Variants in MAP6 observed in about 807,000 individuals in gnomAD.
The protein encoded by MAP6 is microtubule-associated protein 6.
A neutral mutation model predicts 42.4 loss-of-function variants in MAP6; 26 were observed. The observed-to-expected ratio is 0.61, with a 90% CI of 0.45 to 0.85. MAP6 has a LOEUF of 0.85. Ranked by LOEUF, MAP6 falls within the 40% of genes least tolerant of loss-of-function variation. MAP6 has a pLI of 0.00. For missense variants in MAP6, 966 were observed against 1,099.0 expected, an observed-to-expected ratio of 0.88 and a Z score of 1.71; for synonymous variants, 418 against 443.8, an observed-to-expected ratio of 0.94 and a Z score of 0.73.
intron 1 of MAP6, among the ~76,000 whole-genome samples, chr11:75,664,347 T>C (rs1943909546): frequency 6.6e-6 from 1 of 152,256 alleles, no homozygotes; most frequent in Non-Finnish European, 1.5e-5. Context: ...CTCAAAACCA[T>C]AATGTCAAAG....
chr11:75,641,483 T>TAA (rs35928248), intron 1 of MAP6, among the ~76,000 whole-genome samples: 74 of 146,354 alleles, frequency 5.1e-4, no homozygotes, highest in Non-Finnish European at 6.8e-4. Flanking sequence ...TAAAGTATAA[T>TAA]AAAAAAAAAA....
chr11:75,588,077 C>A lies in MAP6; in HGVS notation c.1424G>T (p.Gly475Val). Residue 475 changes from glycine (G) to valine (V), a missense_variant, in exon 4 of 4, where the codon GGT (glycine) becomes GTT (valine). By Grantham distance (109) the Gly-to-Val change is moderately radical. Transcript: ENST00000304771. ...SVVPGLLKGQ[G>V]PMVQEPLKKQ... is the part of the protein sequence containing the mutation. ...CTTCAGAGGCTCTTGCACCATAGGA[C>A]CTTGACCTTTCAGAAGGCCTGGGAC... 1 of 1,614,074 alleles carries A rather than the reference C, an allele frequency of 6.2e-7. No individual in the cohort carries two copies.
At chr11:75,604,832 C>T in intron 3 of MAP6, 3 of 985,500 alleles carry the variant, frequency 3.0e-6, no homozygotes, top group Non-Finnish European at 3.6e-6. Context: ...CCTGGCACCG[C>T]TGCCCTCTCT....
At position 75,588,096 on chromosome 11, in the gene MAP6, C is replaced by G. The variant is rs202142410; in HGVS notation, c.1405G>C (p.Gly469Arg). The change falls in exon 4 of 4, where the codon GGC becomes CGC. Residue 469 changes from glycine (G) to arginine (R), a missense_variant. Around this residue, in one of 2 missense-constraint regions of MAP6, gnomAD observed 943 missense variants for 1,049.9 expected, o/e 0.90. Coordinates refer to ENST00000304771, the MANE Select transcript of MAP6 (RefSeq NM_033063.2). ...ATAGGACCTTGACCTTTCAGAAGGC[C>G]TGGGACCACAGAACCTTGATCCTTG... The part of the protein sequence containing the change: ...PDKDQGSVVP[G>R]LLKGQGPMVQ... 3 of 1,614,178 alleles carry G rather than the reference C, an allele frequency of 1.9e-6. No homozygotes were observed. Among genetic ancestry groups the G allele is most frequent in the East Asian group, 2.2e-5 (1 of 44,886 alleles).
intron 2 of MAP6, chr11:75,607,321 G>A (rs2135589046): frequency 1.0e-6 from 1 of 985,422 alleles, no homozygotes; most frequent in African/African-American, 1.7e-5. Context: ...AAGTTCTCAG[G>A]CATTTTCTGC....
intron 3 of MAP6, among the ~76,000 whole-genome samples, chr11:75,590,080 A>C (rs1942449723): frequency 6.6e-6 from 1 of 152,326 alleles, no homozygotes; most frequent in Non-Finnish European, 1.5e-5. Context: ...GTTGGCTGCT[A>C]TCAGTAGGAC....
intron 1 of MAP6, among the ~76,000 whole-genome samples, chr11:75,662,660 T>C (rs992971715): frequency 6.6e-6 from 1 of 152,214 alleles, no homozygotes; most frequent in Non-Finnish European, 1.5e-5. Flanking sequence ...TTCTTTTGTG[T>C]ACTAAATTTT....
intron 1 of MAP6, among the ~76,000 whole-genome samples, chr11:75,650,077 C>T (rs550001811): frequency 2.0e-5 from 3 of 152,142 alleles, no homozygotes; most frequent in Admixed American, 6.5e-5. Flanking sequence ...TTTTCAGATC[C>T]GTCGTGCTCC....
chr11:75,645,915 AG>A (rs1943546394), intron 1 of MAP6, among the ~76,000 whole-genome samples: 1 of 152,034 alleles, frequency 6.6e-6, no homozygotes, highest in Non-Finnish European at 1.5e-5. Context: ...GGATATATTG[AG>A]AAGAAATAAA....
At chr11:75,607,754 G>A in intron 2 of MAP6, 1 of 779,550 alleles carries the variant, frequency 1.3e-6, no homozygotes. Flanking sequence ...TACTGGGCCA[G>A]CCCTTCTGGG....
intron 3 of MAP6, 129 bp from the exon 4 acceptor site, chr11:75,588,313 G>T: frequency 6.0e-6 from 3 of 500,904 alleles, no homozygotes; most frequent in Non-Finnish European, 1.0e-5. Flanking sequence ...AGAGCCAGGA[G>T]AATATGATTT....
At chr11:75,647,923 A>G (rs552960475) in intron 1 of MAP6, among the ~76,000 whole-genome samples, 2 of 152,358 alleles carry the variant, frequency 1.3e-5, no homozygotes, top group South Asian at 4.1e-4. Flanking sequence ...GCTATGACAA[A>G]TAAGTGTGGC....
At chr11:75,625,600 G>A (rs1394246594) in intron 1 of MAP6, among the ~76,000 whole-genome samples, 5 of 152,144 alleles carry the variant, frequency 3.3e-5, no homozygotes, top group African/African-American at 2.4e-5. Context: ...CTAACAAACA[G>A]GAGGACCAGA....
At chr11:75,611,764 T>A (rs917735089) in intron 1 of MAP6, among the ~76,000 whole-genome samples, 1 of 152,186 alleles carries the variant, frequency 6.6e-6, no homozygotes, top group Non-Finnish European at 1.5e-5. Flanking sequence ...AGCTGGAGGA[T>A]TTTGTTTTAT....
Position 75,667,831 on chromosome 11 carries a change from A to T in MAP6, c.539T>A (p.Ile180Asn). The T allele has an allele frequency of 7.3e-7, 1 of 1,372,196 alleles. No homozygotes were observed. Among genetic ancestry groups the T allele is most frequent in the Non-Finnish European group, 9.4e-7 (1 of 1,059,576 alleles). 85.0% of individuals were successfully genotyped at this position (1,372,196 alleles called of 1,614,324 possible). ...CGCCGACGCCTGGGAGGCCGCAGAG[A>T]TCTGCACGGGCTTGGGGATCCACGG... ...DHPWIPKPVQ[I>N]SAASQASAPI... The change falls in exon 1 of 4, where the codon ATC becomes AAC. Residue 180 changes from isoleucine to asparagine, a missense_variant. By Grantham distance (149) the Ile-to-Asn change is moderately radical. Around this residue, in one of 2 missense-constraint regions of MAP6, gnomAD observed 943 missense variants for 1,049.9 expected, o/e 0.90. Transcript: ENST00000304771. The surrounding 1 kb of genome is among the most constrained non-coding windows in gnomAD (Gnocchi z 5.6).
At chr11:75,601,166 C>T (rs572332809) in intron 3 of MAP6, among the ~76,000 whole-genome samples, 3 of 152,330 alleles carry the variant, frequency 2.0e-5, no homozygotes, top group African/African-American at 7.2e-5. Context: ...TTGCCCAACG[C>T]TTGCCCTTTC....
rs148557674 is a variant in MAP6 at position 75,587,689 on chromosome 11, C to T, written c.1812G>A (p.Lys604=). 3 of 1,613,602 alleles carry T rather than the reference C, an allele frequency of 1.9e-6. No homozygotes were observed. The highest frequency in any genetic ancestry group is 2.5e-6 in the Non-Finnish European group (3 of 1,179,832). ...GTGCTGGGACTATGGGACCTTGATC[C>T]TTGACAGGTGCTGAGACCATGGGAC... ...DQGPMVSAPV[K]DQGPIVPAPV... is the part of the protein sequence containing the mutation. Residue 604 remains lysine (K), a synonymous_variant, in exon 4 of 4, where the codon AAG becomes AAA. Transcript: ENST00000304771.
intron 1 of MAP6, among the ~76,000 whole-genome samples, chr11:75,617,245 C>T (rs924626818): frequency 1.3e-5 from 2 of 152,090 alleles, no homozygotes; most frequent in African/African-American, 4.8e-5. Flanking sequence ...GGCTGGGCAC[C>T]GTGGCTCAAG....
chr11:75,657,251 C>G (rs1943767006), intron 1 of MAP6, among the ~76,000 whole-genome samples: 1 of 152,084 alleles, frequency 6.6e-6, no homozygotes, highest in Admixed American at 6.6e-5. Flanking sequence ...GCTGGGACTA[C>G]AGGCGCCCAC....
Sources: allele counts gnomAD v4.1 joint callset (sites outside exome capture counted in the v4.1 genomes callset), GRCh38; gene constraint gnomAD v4.1.1; regional missense constraint gnomAD v4.1.1; non-coding constraint Gnocchi (gnomAD v3.1); transcripts MANE v1.5; gene names NCBI Gene and HGNC (gene_info 2026-07-23, HGNC 2026-07-21).